The following PDE1C variants were observed in gnomAD, a reference collection of about 807,000 sequenced individuals.
PDE1C encodes the protein phosphodiesterase 1C.
PDE1C carries 62 observed loss-of-function variants against 93.1 expected under a neutral mutation model. The observed-to-expected ratio is 0.67, with a 90% CI of 0.54 to 0.82. PDE1C has a LOEUF of 0.82. PDE1C is among the 40% of genes least tolerant of loss of function. PDE1C has a pLI of 0.00. For missense variants in PDE1C, 742 were observed against 884.6 expected, an observed-to-expected ratio of 0.84 and a Z score of 2.04; for synonymous variants, 325 against 310.1, an observed-to-expected ratio of 1.05 and a Z score of -0.50.
intron 3 of PDE1C, among the ~76,000 whole-genome samples, chr7:32,140,515 A>C (rs1800457075): frequency 6.6e-6 from 1 of 152,230 alleles, no homozygotes; most frequent in African/African-American, 2.4e-5. Flanking sequence ...ATGGAAAACA[A>C]TTAAAGCTGT....
chr7:32,305,664 C>A (rs1466001076), intron 1 of PDE1C, among the ~76,000 whole-genome samples: 1 of 152,242 alleles, frequency 6.6e-6, no homozygotes, highest in Admixed American at 6.5e-5. Flanking sequence ...CTCTTTCCAG[C>A]TGTCCCTGTA....
intron 2 of PDE1C, among the ~76,000 whole-genome samples, chr7:31,960,019 T>A (rs984641575): frequency 1.5e-5 from 2 of 131,276 alleles, no homozygotes; most frequent in African/African-American, 5.4e-5. Context: ...GCGCCCACCA[T>A]CACGCACAGC....
chr7:31,907,095 G>GTGTGTA (rs1219712420), intron 2 of PDE1C, among the ~76,000 whole-genome samples: 29 of 151,934 alleles, frequency 1.9e-4, no homozygotes, highest in African/African-American at 6.0e-4. Context: ...GTGTGTGTGT[G>GTGTGTA]TGTTTCTTAC....
intron 3 of PDE1C, among the ~76,000 whole-genome samples, chr7:32,166,647 A>C (rs1266530596): frequency 6.6e-6 from 1 of 152,094 alleles, no homozygotes; most frequent in African/African-American, 2.4e-5. Context: ...CATTTTCCAA[A>C]ATCTTTATTT....
intron 1 of PDE1C, among the ~76,000 whole-genome samples, chr7:32,296,108 T>C (rs779448298): frequency 1.1e-4 from 17 of 152,294 alleles, no homozygotes; most frequent in Non-Finnish European, 1.6e-4. Flanking sequence ...AAAAACAATG[T>C]ACATATTAGA....
intron 3 of PDE1C, among the ~76,000 whole-genome samples, chr7:32,159,267 A>G (rs1343878515): frequency 6.6e-6 from 1 of 152,182 alleles, no homozygotes; most frequent in Non-Finnish European, 1.5e-5. Flanking sequence ...AAGAAGGAAA[A>G]GGATCATTTT....
At chr7:31,899,123 G>T in intron 2 of PDE1C, among the ~76,000 whole-genome samples, 1 of 149,130 alleles carries the variant, frequency 6.7e-6, no homozygotes, top group Non-Finnish European at 1.5e-5. Flanking sequence ...AAGAGCATGG[G>T]CAGTCCCACT....
chr7:32,121,722 C>T (rs145622888), intron 3 of PDE1C, among the ~76,000 whole-genome samples: 109 of 152,276 alleles, frequency 7.2e-4, no homozygotes, highest in African/African-American at 2.5e-3. Flanking sequence ...CTGAAGGAAG[C>T]ACTAGATATG....
intron 1 of PDE1C, among the ~76,000 whole-genome samples, chr7:32,389,968 A>G (rs912163433): frequency 2.0e-5 from 3 of 152,204 alleles, no homozygotes; most frequent in Admixed American, 2.0e-4. Context: ...TCTGAGCCTA[A>G]GGAATTGGTC....
chr7:31,982,718 C>T (rs1812557068), intron 2 of PDE1C, among the ~76,000 whole-genome samples: 1 of 151,576 alleles, frequency 6.6e-6, no homozygotes. Context: ...ATCTAGATGG[C>T]AAGTGTAGGT....
intron 1 of PDE1C, among the ~76,000 whole-genome samples, chr7:32,388,823 C>G (rs1479667725): frequency 6.6e-6 from 1 of 151,572 alleles, no homozygotes; most frequent in Non-Finnish European, 1.5e-5. Flanking sequence ...GAATAGGACC[C>G]AAAAGGGGAG....
intron 2 of PDE1C, among the ~76,000 whole-genome samples, chr7:31,891,225 T>C (rs1171224501): frequency 6.6e-6 from 1 of 152,144 alleles, no homozygotes; most frequent in East Asian, 1.9e-4. Flanking sequence ...CCTGGTCACT[T>C]CCAATTGTCC....
chr7:32,059,896 A>G (rs1333838856), intron 1 of PDE1C, among the ~76,000 whole-genome samples: 1 of 152,224 alleles, frequency 6.6e-6, no homozygotes, highest in Non-Finnish European at 1.5e-5. Context: ...TCACGTATTT[A>G]CAACCACTTG....
intron 3 of PDE1C, among the ~76,000 whole-genome samples, chr7:32,123,641 G>A (rs1055193710): frequency 5.3e-5 from 8 of 152,112 alleles, no homozygotes; most frequent in South Asian, 4.1e-4. Flanking sequence ...AAGGGCCTTC[G>A]ATAAAATTCA....
At chr7:32,259,368 T>G (rs1810029190) in intron 1 of PDE1C, among the ~76,000 whole-genome samples, 1 of 152,166 alleles carries the variant, frequency 6.6e-6, no homozygotes, top group South Asian at 2.1e-4. Flanking sequence ...CTAATATGGC[T>G]GAATAAGTGC....
At chr7:31,963,087 A>G (rs1048821174) in intron 2 of PDE1C, among the ~76,000 whole-genome samples, 7 of 152,246 alleles carry the variant, frequency 4.6e-5, no homozygotes, top group Non-Finnish European at 1.0e-4. Flanking sequence ...TAGAAAAATT[A>G]GAAAATACAC....
At chr7:31,955,292 T>A (rs908037987) in intron 2 of PDE1C, among the ~76,000 whole-genome samples, 1 of 152,200 alleles carries the variant, frequency 6.6e-6, no homozygotes, top group Admixed American at 6.5e-5. Flanking sequence ...ATATCTACTA[T>A]GCCCATTTCA....
intron 5 of PDE1C, 121 bp from the exon 6 acceptor site, chr7:31,873,529 A>G (rs750878991): frequency 1.5e-5 from 10 of 653,836 alleles, no homozygotes; most frequent in African/African-American, 3.7e-5. Context: ...TGACACTCAA[A>G]CAGACTTTCC....
At chr7:32,406,425 A>G (rs1276084248) in intron 1 of PDE1C, among the ~76,000 whole-genome samples, 1 of 151,846 alleles carries the variant, frequency 6.6e-6, no homozygotes, top group Non-Finnish European at 1.5e-5. Flanking sequence ...GATGACTTCT[A>G]TTTCTAGTAT....
Sources: gnomAD v4.1 joint callset for allele counts (sites outside exome capture counted in the v4.1 genomes callset) on GRCh38, gnomAD v4.1.1 for gene constraint, MANE v1.5 for transcripts, NCBI Gene and HGNC (gene_info 2026-07-23, HGNC 2026-07-21) for gene names.